PPP1CB: variants seen among roughly 807,000 people sequenced by gnomAD.
PPP1CB encodes the protein serine/threonine-protein phosphatase PP1-beta catalytic subunit.
In PPP1CB, 2 loss-of-function variants were observed where a neutral mutation model predicts 43.7. That is an observed-to-expected ratio of 0.05 (90% confidence interval 0.02 to 0.14). The LOEUF (loss-of-function observed/expected upper bound fraction) is 0.14, where lower values mean the gene tolerates loss of function less well. Among genes scored for constraint, PPP1CB ranks in the 10% least tolerant of loss-of-function variants. PPP1CB has a pLI of 1.00. For missense variants in PPP1CB, 84 were observed against 398.0 expected, an observed-to-expected ratio of 0.21 and a Z score of 6.71; for synonymous variants, 136 against 135.6, an observed-to-expected ratio of 1.00 and a Z score of -0.02.
intron 1 of PPP1CB, among the ~76,000 whole-genome samples, chr2:28,763,577 T>TA (rs1666708473): frequency 6.6e-6 from 1 of 152,216 alleles, no homozygotes; most frequent in Non-Finnish European, 1.5e-5. Context: ...ACTTTTTACT[T>TA]ATGCTTTGTG....
At chr2:28,785,064 G>GTT (rs1558307639) in intron 5 of PPP1CB, among the ~76,000 whole-genome samples, 1 of 93,794 alleles carries the variant, frequency 1.1e-5, no homozygotes, top group African/African-American at 4.1e-5. Context: ...TGTGTTAGGA[G>GTT]CTTTTTTTTT....
rs564325966 is a variant in PPP1CB at position 28,779,813 on chromosome 2, G to C, written c.415+774G>C. Among the ~76,000 whole-genome samples, 6 of 152,158 alleles carry C rather than the reference G, an allele frequency of 3.9e-5. 1 individual carries two copies. In the South Asian group the frequency reaches 1.0e-3, roughly 26 times the overall value. ...ATCTCCTTGATTTATATAATGATTT[G>C]ACAAAGTTTGAGGGTATGTTATATG... On this transcript the variant is annotated intron_variant, in intron 3 of 7. Transcript: ENST00000395366.
At chr2:28,793,580 GT>G (rs1401090888) in intron 6 of PPP1CB, among the ~76,000 whole-genome samples, 1 of 152,202 alleles carries the variant, frequency 6.6e-6, no homozygotes, top group African/African-American at 2.4e-5. Context: ...CTATTAGTAT[GT>G]TTTGTTTCAT....
At chr2:28,761,904 A>G (rs1294842948) in intron 1 of PPP1CB, among the ~76,000 whole-genome samples, 1 of 152,214 alleles carries the variant, frequency 6.6e-6, no homozygotes, top group Non-Finnish European at 1.5e-5. Flanking sequence ...CAAATTCTCC[A>G]TATATGTAAA....
At chr2:28,765,994 A>T (rs114864565) in intron 1 of PPP1CB, among the ~76,000 whole-genome samples, 1 of 152,218 alleles carries the variant, frequency 6.6e-6, no homozygotes, top group Admixed American at 6.5e-5. Context: ...GAAGTTTCTC[A>T]TATATTTTTT....
At chr2:28,762,961 A>G (rs1666689907) in intron 1 of PPP1CB, among the ~76,000 whole-genome samples, 1 of 152,240 alleles carries the variant, frequency 6.6e-6, no homozygotes, top group Non-Finnish European at 1.5e-5. Context: ...ATCATTGGCA[A>G]CAAGTACTGT....
intron 6 of PPP1CB, among the ~76,000 whole-genome samples, chr2:28,790,363 C>T (rs951273021): frequency 6.6e-6 from 1 of 151,870 alleles, no homozygotes; most frequent in Admixed American, 6.6e-5. Context: ...TGTTTGAGGC[C>T]GAGTCTCACT....
At position 28,781,712 on chromosome 2, in the gene PPP1CB, A is replaced by G. The variant is rs755206812; in HGVS notation, c.416-26A>G. On this transcript the variant is annotated intron_variant, in intron 3 of 7. Transcript: ENST00000395366. Reference sequence around the variant, plus strand: ...GATGAGAACAGTTTTAGATTTTTTAATTTATTCTATCTGTTCTTTTTACAG... The same window carrying G: ...GATGAGAACAGTTTTAGATTTTTTAGTTTATTCTATCTGTTCTTTTTACAG... The G allele has an allele frequency of 2.7e-6, 4 of 1,495,282 alleles. No homozygotes were observed. The Admixed American group carries it at 5.8e-5, about 22-fold the overall frequency. 92.6% of individuals were successfully genotyped at this position (1,495,282 alleles called of 1,614,324 possible).
intron 1 of PPP1CB, among the ~76,000 whole-genome samples, chr2:28,771,037 T>TC (rs1666897734): frequency 9.9e-6 from 1 of 101,116 alleles, no homozygotes; most frequent in Admixed American, 1.4e-4. Flanking sequence ...ACTTATTCCC[T>TC]GCTCCCCCCC....
chr2:28,786,399 C>T (rs1186436450), intron 5 of PPP1CB, among the ~76,000 whole-genome samples: 1 of 152,132 alleles, frequency 6.6e-6, no homozygotes, highest in Non-Finnish European at 1.5e-5. Context: ...CAGGCGTGAG[C>T]CACCATACCT....
At chr2:28,760,725 A>G (rs534329840) in intron 1 of PPP1CB, among the ~76,000 whole-genome samples, 3 of 152,348 alleles carry the variant, frequency 2.0e-5, no homozygotes, top group East Asian at 1.9e-4. Context: ...TGGGTGTTAC[A>G]TAGCTTTCAC....
At chr2:28,792,642 G>A (rs1374188722) in intron 6 of PPP1CB, among the ~76,000 whole-genome samples, 1 of 152,168 alleles carries the variant, frequency 6.6e-6, no homozygotes, top group Non-Finnish European at 1.5e-5. Context: ...CATCTAAATT[G>A]TACCATAAGG....
intron 1 of PPP1CB, among the ~76,000 whole-genome samples, chr2:28,768,058 T>A (rs1241428838): frequency 6.6e-6 from 1 of 152,180 alleles, no homozygotes; most frequent in African/African-American, 2.4e-5. Flanking sequence ...TCAATTTTTT[T>A]AATGTAATCA....
chr2:28,786,792 A>AAAG (rs1193599797), intron 5 of PPP1CB, among the ~76,000 whole-genome samples: 1 of 151,606 alleles, frequency 6.6e-6, no homozygotes, highest in East Asian at 1.9e-4. Context: ...AAAAAAAAAA[A>AAAG]AAAGAAATTA....
intron 1 of PPP1CB, among the ~76,000 whole-genome samples, chr2:28,775,056 C>G (rs1016058463): frequency 1.3e-5 from 2 of 150,794 alleles, no homozygotes; most frequent in Admixed American, 6.6e-5. Context: ...TTTTTAAAGC[C>G]TCTTATTGAC....
chr2:28,777,206 T>C (rs753141134), intron 2 of PPP1CB: 1 of 277,100 alleles, frequency 3.6e-6, no homozygotes, highest in Non-Finnish European at 6.7e-6. Context: ...ATTTATAATA[T>C]ATAAAGAGTT....
At chr2:28,759,313 C>T (rs1164721575) in intron 1 of PPP1CB, among the ~76,000 whole-genome samples, 7 of 151,978 alleles carry the variant, frequency 4.6e-5, no homozygotes, top group South Asian at 2.1e-4. Flanking sequence ...GTCAGGAGTT[C>T]GAGACCAGCC....
At chr2:28,780,838 T>C (rs1479128559) in intron 3 of PPP1CB, among the ~76,000 whole-genome samples, 1 of 152,230 alleles carries the variant, frequency 6.6e-6, no homozygotes, top group Non-Finnish European at 1.5e-5. Flanking sequence ...TAGCTTTTTA[T>C]GCTAGGCTAC....
At chr2:28,766,979 G>A (rs1327839940) in intron 1 of PPP1CB, among the ~76,000 whole-genome samples, 1 of 151,960 alleles carries the variant, frequency 6.6e-6, no homozygotes, top group Admixed American at 6.6e-5. Flanking sequence ...TACTTGGGAG[G>A]CTGAGGCAGG....
Sources: allele counts gnomAD v4.1 joint callset (sites outside exome capture counted in the v4.1 genomes callset), GRCh38; gene constraint gnomAD v4.1.1; transcripts MANE v1.5; gene names NCBI Gene and HGNC (gene_info 2026-07-23, HGNC 2026-07-21).